Variants in TBX15 observed in about 807,000 individuals in gnomAD.
TBX15 encodes T-box transcription factor TBX15.
In TBX15, 18 loss-of-function variants were observed where a neutral mutation model predicts 53.9. The ratio of observed to expected loss-of-function variants is 0.33; its 90% CI spans 0.23 to 0.49. The LOEUF (loss-of-function observed/expected upper bound fraction) is 0.49. Ranked by LOEUF, TBX15 falls within the 20% of genes least tolerant of loss-of-function variation. TBX15 has a pLI of 0.98. For missense variants in TBX15, 692 were observed against 749.5 expected, an observed-to-expected ratio of 0.92 and a Z score of 0.90; for synonymous variants, 295 against 278.0, an observed-to-expected ratio of 1.06 and a Z score of -0.61.
At chr1:118,979,261 G>A (rs1657558458) in intron 1 of TBX15, among the ~76,000 whole-genome samples, 1 of 151,830 alleles carries the variant, frequency 6.6e-6, no homozygotes, top group Non-Finnish European at 1.5e-5. Flanking sequence ...AAGAGCAGCG[G>A]GAAGGACAAT....
At chr1:118,933,139 T>G (rs1655855376) in intron 1 of TBX15, among the ~76,000 whole-genome samples, 1 of 152,172 alleles carries the variant, frequency 6.6e-6, no homozygotes, top group Non-Finnish European at 1.5e-5. Flanking sequence ...CTGTGAAAGA[T>G]ACACCCCATT....
At chr1:118,929,268 A>G (rs1045851798) in intron 2 of TBX15, among the ~76,000 whole-genome samples, 1 of 152,224 alleles carries the variant, frequency 6.6e-6, no homozygotes, top group Non-Finnish European at 1.5e-5. Flanking sequence ...GTAGATGGTG[A>G]CTAAGATCAT....
At chr1:118,962,330 A>G (rs1656904428) in intron 1 of TBX15, among the ~76,000 whole-genome samples, 1 of 152,174 alleles carries the variant, frequency 6.6e-6, no homozygotes, top group African/African-American at 2.4e-5. Flanking sequence ...TTGCCTACAT[A>G]ACCTCAAATC....
intron 1 of TBX15, among the ~76,000 whole-genome samples, chr1:118,953,240 T>C (rs987197552): frequency 6.6e-6 from 1 of 152,244 alleles, no homozygotes; most frequent in Admixed American, 6.5e-5. Context: ...ATTTAATTCA[T>C]TCTAAATGCT....
At chr1:118,940,202 C>A (rs895155392) in intron 1 of TBX15, among the ~76,000 whole-genome samples, 3 of 151,874 alleles carry the variant, frequency 2.0e-5, no homozygotes, top group Admixed American at 6.5e-5. Flanking sequence ...AAAATTCAAA[C>A]GAAGGTCTGA....
At chr1:118,898,203 CCA>C (rs1415458838) in intron 7 of TBX15, among the ~76,000 whole-genome samples, 4 of 152,142 alleles carry the variant, frequency 2.6e-5, no homozygotes, top group Non-Finnish European at 5.9e-5. Flanking sequence ...TAGTCTAACT[CCA>C]GAGTCTATGC....
chr1:118,923,918 A>G (rs1655509327), intron 4 of TBX15, among the ~76,000 whole-genome samples: 1 of 152,240 alleles, frequency 6.6e-6, no homozygotes, highest in African/African-American at 2.4e-5. Context: ...CTGCCATGTG[A>G]CAAGTTGTTC....
chr1:118,944,276 C>T (rs997580476), intron 1 of TBX15, among the ~76,000 whole-genome samples: 2 of 152,084 alleles, frequency 1.3e-5, no homozygotes, highest in South Asian at 2.1e-4. Flanking sequence ...TTTATGATGG[C>T]CAAGAAAAGG....
chr1:118,917,796 A>C (rs1206012162), intron 5 of TBX15, among the ~76,000 whole-genome samples: 1 of 152,096 alleles, frequency 6.6e-6, no homozygotes. Context: ...ATGTAACTGG[A>C]CCATGTCATT....
chr1:118,987,450 A>G (rs1055472793), intron 1 of TBX15, 141 bp downstream of exon 1: 28 of 1,082,130 alleles, frequency 2.6e-5, no homozygotes, highest in South Asian at 5.0e-5. Flanking sequence ...GGCTCAGGGC[A>G]TTTGCGCGAA....
chr1:118,939,743 A>T (rs901555748), intron 1 of TBX15, among the ~76,000 whole-genome samples: 2 of 151,770 alleles, frequency 1.3e-5, no homozygotes, highest in African/African-American at 2.4e-5. Flanking sequence ...GTGAAATTAT[A>T]AAAAAACTTT....
chr1:118,938,326 A>G (rs1656032231), intron 1 of TBX15, among the ~76,000 whole-genome samples: 1 of 152,152 alleles, frequency 6.6e-6, no homozygotes, highest in South Asian at 2.1e-4. Context: ...TAAGCCAATT[A>G]AGGAGACTAA....
chr1:118,885,141 C>G lies in TBX15; in HGVS notation c.1400G>C (p.Gly467Ala). 1 of 1,614,154 alleles carries G rather than the reference C, an allele frequency of 6.2e-7. No individual in the cohort carries two copies. The highest frequency in any genetic ancestry group is 1.3e-5 in the African/African-American group (1 of 75,044). The stretch of plus-strand genomic sequence containing the variant: ...GGAAGTGGGAAAGGACCCCAGCTGG[C>G]CACCGTAGGCTTCCATCTTGCTGTT... ...PGNSKMEAYG[G>A]QLGSFPTSQF... The change falls in exon 8 of 8, where the codon GGC (glycine) becomes GCC (alanine). Residue 467 changes from glycine to alanine, a missense_variant. Transcript: ENST00000369429.
intron 6 of TBX15, among the ~76,000 whole-genome samples, chr1:118,907,192 T>G (rs1169749539): frequency 2.0e-5 from 3 of 152,160 alleles, no homozygotes; most frequent in Admixed American, 6.5e-5. Flanking sequence ...GAGGAAACTG[T>G]GTCAGATGGG....
chr1:118,893,401 GAAA>G (rs1557872644), intron 7 of TBX15, among the ~76,000 whole-genome samples: 17 of 133,418 alleles, frequency 1.3e-4, no homozygotes, highest in South Asian at 2.4e-4. Context: ...AAGAAAGAAA[GAAA>G]GAAAGGAAGA....
At chr1:118,944,074 G>A (rs1656270025) in intron 1 of TBX15, among the ~76,000 whole-genome samples, 1 of 152,144 alleles carries the variant, frequency 6.6e-6, no homozygotes, top group Non-Finnish European at 1.5e-5. Flanking sequence ...ATCATTGAGT[G>A]TTTTTATATT....
rs1248228683 is a variant in TBX15, at chr1:118,884,830, G to A, written c.1711C>T (p.Pro571Ser). 2.5e-6 allele frequency: 4 copies of A among 1,614,024 alleles called. No homozygotes were observed. Among genetic ancestry groups the A allele is most frequent in the East Asian group, 4.5e-5 (2 of 44,880 alleles). Reference protein sequence around the residue: ...GMEHSMHMISPSPNNQQATNT... With the variant: ...GMEHSMHMISSSPNNQQATNT... ...GTTGCCTGTTGGTTATTGGGTGAAG[G>A]GCTAATCATGTGCATGCTGTGCTCC... Residue 571 changes from proline to serine, a missense_variant, in exon 8 of 8, where the codon CCT (proline) becomes TCT (serine). Pro to Ser is a moderately conservative substitution (Grantham distance 74). This residue lies in a region of TBX15 where 375 missense variants were observed against 371.6 expected (regional missense o/e 1.01). Coordinates refer to ENST00000369429, the MANE Select transcript of TBX15 (RefSeq NM_001330677.2).
At chr1:118,890,388 A>G (rs1217835074) in intron 7 of TBX15, among the ~76,000 whole-genome samples, 1 of 152,184 alleles carries the variant, frequency 6.6e-6, no homozygotes, top group African/African-American at 2.4e-5. Context: ...AGAAGTGATT[A>G]AAATATAATG....
chr1:118,898,721 C>T (rs934614479), intron 7 of TBX15, among the ~76,000 whole-genome samples: 1 of 152,156 alleles, frequency 6.6e-6, no homozygotes, highest in African/African-American at 2.4e-5. Flanking sequence ...AAAATCTCTT[C>T]AAATACCAAG....
Sources: gnomAD v4.1 joint callset for allele counts (sites outside exome capture counted in the v4.1 genomes callset) on GRCh38, gnomAD v4.1.1 for gene constraint, gnomAD v4.1.1 regional missense constraint, MANE v1.5 for transcripts, NCBI Gene and HGNC (gene_info 2026-07-23, HGNC 2026-07-21) for gene names.